PCLO: variants seen among roughly 807,000 people sequenced by gnomAD.
The protein encoded by PCLO is protein piccolo.
In PCLO, 82 loss-of-function variants were observed where a neutral mutation model predicts 427.5. The ratio of observed to expected loss-of-function variants is 0.19; its 90% CI spans 0.16 to 0.23. The LOEUF is 0.23. PCLO is among the 10% of genes least tolerant of loss of function. The probability of loss-of-function intolerance (pLI) is 1.00; values close to 1 mark genes in which losing one functional copy is unlikely to be tolerated. For missense variants in PCLO, 6,239 were observed against 6,115.9 expected (o/e 1.02, Z -0.67); for synonymous variants, 2,357 against 2,155.4 (o/e 1.09, Z -2.59).
At position 83,160,105 on chromosome 7, in the gene PCLO, T is replaced by A. The variant is rs1318750893; in HGVS notation, c.248+2240A>T. On this transcript the variant is annotated intron_variant, in intron 1 of 24. Coordinates refer to ENST00000333891, the MANE Select transcript of PCLO (RefSeq NM_033026.6). The stretch of plus-strand genomic sequence containing the variant: ...GATACCGATATTGCCACTCTTTACA[T>A]TTGTAGGGTTTGTGTAAATTACAAC... Among the ~76,000 whole-genome samples, 4 of 152,136 alleles carry A rather than the reference T, an allele frequency of 2.6e-5. No homozygotes were observed. In the East Asian group the frequency reaches 5.8e-4, roughly 22 times the overall value.
At chr7:83,031,338 A>T (rs1335695337) in intron 3 of PCLO, among the ~76,000 whole-genome samples, 3 of 152,216 alleles carry the variant, frequency 2.0e-5, no homozygotes, top group Non-Finnish European at 4.4e-5. Flanking sequence ...TGTTCTGAGC[A>T]TGGAAATGTA....
At chr7:83,151,590 CT>C (rs1792130573) in intron 2 of PCLO, among the ~76,000 whole-genome samples, 1 of 152,178 alleles carries the variant, frequency 6.6e-6, no homozygotes, top group African/African-American at 2.4e-5. Flanking sequence ...TCTACCTGCC[CT>C]TATGTTCCTA....
At chr7:82,874,333 G>A (rs1031623661) in intron 10 of PCLO, among the ~76,000 whole-genome samples, 2 of 152,154 alleles carry the variant, frequency 1.3e-5, no homozygotes, top group Middle Eastern at 3.4e-3. Flanking sequence ...GCACAATCTC[G>A]GTTCACTGCA....
At chr7:83,157,115 C>T (rs1258848730) in intron 1 of PCLO, among the ~76,000 whole-genome samples, 3 of 152,182 alleles carry the variant, frequency 2.0e-5, no homozygotes, top group Non-Finnish European at 4.4e-5. Flanking sequence ...CACCTAAAAT[C>T]ATGACAGTCC....
intron 3 of PCLO, among the ~76,000 whole-genome samples, chr7:83,030,922 G>C (rs988192723): frequency 2.6e-5 from 4 of 151,990 alleles, no homozygotes; most frequent in African/African-American, 9.7e-5. Context: ...TTTGTACTTG[G>C]TTCAAAAAAT....
Position 82,754,562 on chromosome 7 carries a change from T to C in PCLO, c.*4013A>G, listed in dbSNP as rs1046756726. ...AAATGAAATTAATATTTCAACTTCG[T>C]CTACTTTACCAAGTGTATACTTATG... is the stretch of plus-strand genomic sequence containing the variant. On this transcript the variant is annotated 3_prime_UTR_variant, in exon 25 of 25. Transcript: ENST00000333891. 7.2e-5 allele frequency: 11 copies of C among 152,110 alleles called. No individual in the cohort carries two copies. The highest frequency in any genetic ancestry group is 1.6e-4 in the Non-Finnish European group (11 of 67,970). 9.4% of individuals were successfully genotyped at this position (152,110 alleles called of 1,614,324 possible). A position where few individuals can be genotyped will look rare whatever the true frequency, so the allele number is the denominator to read the frequency against.
intron 13 of PCLO, among the ~76,000 whole-genome samples, chr7:82,843,400 A>G (rs938791884): frequency 6.6e-6 from 1 of 152,110 alleles, no homozygotes; most frequent in Non-Finnish European, 1.5e-5. Context: ...AGGGGCTAAG[A>G]GAAAAGGAAG....
At chr7:83,101,879 T>G (rs550457311) in intron 3 of PCLO, among the ~76,000 whole-genome samples, 2 of 152,212 alleles carry the variant, frequency 1.3e-5, no homozygotes, top group South Asian at 4.1e-4. Flanking sequence ...GATAAAAGCT[T>G]AAACTTGAAT....
At chr7:83,093,492 A>ATATTTTTT in intron 3 of PCLO, among the ~76,000 whole-genome samples, 6 of 59,318 alleles carry the variant, frequency 1.0e-4, no homozygotes, top group East Asian at 1.1e-3. Context: ...ATATATATAT[A>ATATTTTTT]TTTTTTTTTT....
At chr7:82,963,889 C>T (rs543165486) in intron 4 of PCLO, among the ~76,000 whole-genome samples, 10 of 149,548 alleles carry the variant, frequency 6.7e-5, no homozygotes, top group South Asian at 6.4e-4. Context: ...GGTTGTATAA[C>T]GAAAGAAAAA....
chr7:83,135,491 C>A lies in PCLO; in HGVS notation c.2059G>T (p.Asp687Tyr). ...PQPQQTSPKK[D>Y]AAPKQDLSKA... ...GAGAGATCCTGTTTTGGTGCAGCAT[C>A]CTTCTTTGGGGAAGTCTGCTGTGGC... Residue 687 changes from aspartate (D) to tyrosine (Y), a missense_variant, in exon 3 of 25, where the codon GAT (aspartate) becomes TAT (tyrosine). Transcript: ENST00000333891. The A allele has an allele frequency of 6.2e-7, 1 of 1,613,662 alleles. No homozygotes were observed. Among genetic ancestry groups the A allele is most frequent in the South Asian group, 1.1e-5 (1 of 91,056 alleles).
At chr7:83,157,414 CATTG>C (rs1358496379) in intron 1 of PCLO, among the ~76,000 whole-genome samples, 4 of 151,896 alleles carry the variant, frequency 2.6e-5, no homozygotes, top group African/African-American at 9.7e-5. Context: ...CTCTTAATGC[CATTG>C]ATTGATTATT....
rs1790580872 is a variant in PCLO at position 83,096,957 on chromosome 7, ATATAATATAATATAT to A, written c.3300+37278_3300+37292del. 4.2e-5 allele frequency among the ~76,000 whole-genome samples: 2 copies of A among 47,786 alleles called. 1 individual carries two copies. Among genetic ancestry groups the A allele is most frequent in the Non-Finnish European group, 6.0e-5 (2 of 33,408 alleles). 31.3% of individuals were successfully genotyped at this position (47,786 alleles called of 152,430 possible). On this transcript the variant is annotated intron_variant, in intron 3 of 24. Transcript: ENST00000333891. The stretch of plus-strand genomic sequence containing the variant: ...TAATATATTATATATTATATAAATA[ATATAATATAATATAT>A]TATATATTATATAAATAATATATAT...
At chr7:82,844,973 C>T (rs191070827) in intron 13 of PCLO, among the ~76,000 whole-genome samples, 228 of 152,062 alleles carry the variant, frequency 1.5e-3, no homozygotes, top group African/African-American at 5.2e-3. Flanking sequence ...ATTCTATATA[C>T]GTATCTCAGA....
chr7:82,843,628 G>A (rs1792423236), intron 13 of PCLO, among the ~76,000 whole-genome samples: 1 of 150,690 alleles, frequency 6.6e-6, no homozygotes, highest in Admixed American at 6.6e-5. Flanking sequence ...GGTAATCCAT[G>A]TTAATTAGCT....
In PCLO at chr7:82,950,270, T is replaced by C; in HGVS notation, c.10318A>G (p.Ile3440Val). The C allele has an allele frequency of 1.2e-6, 2 of 1,613,454 alleles. No individual in the cohort carries two copies. The highest frequency in any genetic ancestry group is 1.7e-6 in the Non-Finnish European group (2 of 1,179,808). The change falls in exon 6 of 25, where the codon ATA becomes GTA. Residue 3440 changes from isoleucine (I) to valine (V), a missense_variant. Ile to Val is a conservative substitution (Grantham distance 29). Coordinates refer to ENST00000333891, the MANE Select transcript of PCLO (RefSeq NM_033026.6). ...TCCGTTTGTACACCACTGTCCACTA[T>C]CTTTTTAAAACTTCGGGGATCATCT... ...MTDDPRSFKK[I>V]VDSGVQTDDE...
chr7:83,069,629 A>G (rs1306416006), intron 3 of PCLO, among the ~76,000 whole-genome samples: 1 of 152,186 alleles, frequency 6.6e-6, no homozygotes, highest in Non-Finnish European at 1.5e-5. Context: ...ATTGTTGTGC[A>G]GAGAAAGATA....
chr7:83,118,480 C>T (rs1377403515), intron 3 of PCLO, among the ~76,000 whole-genome samples: 1 of 151,982 alleles, frequency 6.6e-6, no homozygotes, highest in Non-Finnish European at 1.5e-5. Flanking sequence ...GCTGACAACA[C>T]CTCCCTCCCA....
chr7:82,931,606 G>A (rs1264139002), intron 6 of PCLO, among the ~76,000 whole-genome samples: 2 of 152,072 alleles, frequency 1.3e-5, no homozygotes, highest in Admixed American at 1.3e-4. Context: ...TGGACTGGGG[G>A]CTTCAGTTCC....
Sources: gnomAD v4.1 joint callset for allele counts (sites outside exome capture counted in the v4.1 genomes callset) on GRCh38, gnomAD v4.1.1 for gene constraint, MANE v1.5 for transcripts, NCBI Gene and HGNC (gene_info 2026-07-23, HGNC 2026-07-21) for gene names.